TEAD2: variants seen among roughly 807,000 people sequenced by gnomAD.
TEAD2 encodes the protein TEA domain transcription factor 2.
Under a neutral mutation model 61.4 loss-of-function variants are expected in TEAD2, and 51 were observed. The ratio of observed to expected loss-of-function variants is 0.83; its 90% confidence interval spans 0.66 to 1.05. The LOEUF (loss-of-function observed/expected upper bound fraction) is 1.05. TEAD2 is among the 50% of genes least tolerant of loss of function. The probability of loss-of-function intolerance (pLI) is 0.00; values close to 1 mark genes in which losing one functional copy is unlikely to be tolerated. For missense variants in TEAD2, 509 were observed against 600.0 expected (o/e 0.85, Z 1.58); for synonymous variants, 244 against 243.2 (o/e 1.00, Z -0.03).
At chr19:49,349,633 C>T (rs1462547395) in intron 8 of TEAD2, among the ~76,000 whole-genome samples, 1 of 152,054 alleles carries the variant, frequency 6.6e-6, no homozygotes, top group Non-Finnish European at 1.5e-5. Flanking sequence ...AGCCTGGCTT[C>T]GCTCTCTTGC....
At chr19:49,349,949 C>T (rs1463979251) in intron 8 of TEAD2, among the ~76,000 whole-genome samples, 1 of 152,172 alleles carries the variant, frequency 6.6e-6, no homozygotes, top group African/African-American at 2.4e-5. Context: ...GGGAACAGCC[C>T]ACCTCCAGGC....
intron 3 of TEAD2, chr19:49,357,598 C>T (rs550704165): frequency 3.7e-6 from 2 of 535,658 alleles, no homozygotes; most frequent in Admixed American, 6.2e-5. Flanking sequence ...AAAAACTATC[C>T]CCAAACAGGC....
chr19:49,357,148 GTC>G (rs1422806112), intron 4 of TEAD2, 102 bp downstream of exon 4: 6 of 1,173,288 alleles, frequency 5.1e-6, no homozygotes, highest in Admixed American at 4.2e-5. Flanking sequence ...CCCGCTCTAA[GTC>G]TCTGTCCCCC....
Position 49,359,333 on chromosome 19 carries a change from A to T in TEAD2, c.297+102T>A. ...ACATGCCGAGAAGACAGATGAACGC[A>T]CAGGAAGCAGCTTCTTCCTTGAACC... On this transcript the variant is annotated intron_variant, in intron 3 of 12. Transcript: ENST00000593945. This position sits in a 1 kb window ranked among gnomAD's most constrained non-coding sequence, Gnocchi z 4.1. 2 of 1,002,910 alleles carry T rather than the reference A, an allele frequency of 2.0e-6. No individual in the cohort carries two copies. Among genetic ancestry groups the T allele is most frequent in the South Asian group, 2.7e-5 (2 of 75,216 alleles). 62.1% of individuals were successfully genotyped at this position (1,002,910 alleles called of 1,614,324 possible).
In TEAD2 at chr19:49,359,248, C is replaced by T. The variant is rs1020421827; in HGVS notation, c.297+187G>A. 1.6e-6 allele frequency: 1 copy of T among 637,330 alleles called. No homozygotes were observed. Among genetic ancestry groups the T allele is most frequent in the Non-Finnish European group, 2.8e-6 (1 of 355,192 alleles). The allele number at this position is 637,330 out of a possible 1,614,324, so 39.5% of individuals were successfully genotyped here. A position where few individuals can be genotyped will look rare whatever the true frequency, so the allele number is the denominator to read the frequency against. ...GCTAGACTCCATTTCAAAAAATAAA[C>T]AAATACATAAATAACCCAGCCTCGG... On this transcript the variant is annotated intron_variant, in intron 3 of 12. Transcript: ENST00000593945. The surrounding 1 kb of genome is among the most constrained non-coding windows in gnomAD (Gnocchi z 4.1).
chr19:49,355,912 AC>A, intron 5 of TEAD2, 46 bp downstream of exon 5: 1 of 1,293,672 alleles, frequency 7.7e-7, no homozygotes, highest in East Asian at 3.0e-5. Context: ...GGGACAGGGC[AC>A]TAGTTTGGAG....
intron 1 of TEAD2, 29 bp from the exon 2 acceptor site, chr19:49,360,110 C>A (rs780781912): frequency 6.4e-7 from 1 of 1,553,640 alleles, no homozygotes; most frequent in Non-Finnish European, 8.8e-7. Context: ...CAGCAAGCTT[C>A]CCCCAAACCC....
chr19:49,341,545 C>A lies in TEAD2; in HGVS notation c.1243-108G>T. 2.3e-6 allele frequency: 2 copies of A among 883,164 alleles called. No individual in the cohort carries two copies. Among genetic ancestry groups the A allele is most frequent in the South Asian group, 1.5e-5 (1 of 68,410 alleles). 54.7% of individuals were successfully genotyped at this position (883,164 alleles called of 1,614,324 possible). ...ATACCCAGCAGGCTCTTTTCCATCT[C>A]CAGGAAACAGGCCGCCACCATATCA... On this transcript the variant is annotated intron_variant, in intron 12 of 12. Transcript: ENST00000593945. This position sits in a 1 kb window ranked among gnomAD's most constrained non-coding sequence, Gnocchi z 4.2.
At chr19:49,343,854 T>TGGCG (rs201072189) in intron 10 of TEAD2, among the ~76,000 whole-genome samples, 1 of 111,312 alleles carries the variant, frequency 9.0e-6, no homozygotes, top group South Asian at 3.0e-4. Context: ...GTCTTTTTTT[T>TGGCG]TGGGGGGGGG....
chr19:49,354,516 A>G (rs894453832), intron 7 of TEAD2, among the ~76,000 whole-genome samples: 8 of 151,976 alleles, frequency 5.3e-5, no homozygotes, highest in Admixed American at 4.6e-4. Flanking sequence ...AAAAGAAAAA[A>G]AAAAAAAAGC....
chr19:49,343,599 C>T (rs1028365371), intron 10 of TEAD2, among the ~76,000 whole-genome samples: 1 of 151,962 alleles, frequency 6.6e-6, no homozygotes, highest in East Asian at 1.9e-4. Context: ...ATTAGCCGGG[C>T]GTGGTGGTGC....
chr19:49,346,208 T>G (rs1026727160), intron 10 of TEAD2, among the ~76,000 whole-genome samples: 5 of 148,660 alleles, frequency 3.4e-5, no homozygotes, highest in African/African-American at 1.2e-4. Context: ...ATAAAACACA[T>G]TTATTGAACC....
chr19:49,359,534 C>G lies in TEAD2; in HGVS notation c.233-35G>C. 1 of 1,611,116 alleles carries G rather than the reference C, an allele frequency of 6.2e-7. No individual in the cohort carries two copies. The highest frequency in any genetic ancestry group is 8.5e-7 in the Non-Finnish European group (1 of 1,177,372). Reference sequence around the variant, plus strand: ...CAAAGACGGAACAGAGTTAGTTAGACTTTCAACAGAACTTCCCCACAGCAT... The same window carrying G: ...CAAAGACGGAACAGAGTTAGTTAGAGTTTCAACAGAACTTCCCCACAGCAT... On this transcript the variant is annotated intron_variant, in intron 2 of 12. Coordinates refer to ENST00000593945, the MANE Select transcript of TEAD2 (RefSeq NM_001256660.2). The surrounding 1 kb of genome is among the most constrained non-coding windows in gnomAD (Gnocchi z 4.1).
intron 1 of TEAD2, chr19:49,362,054 A>G (rs1972987019): frequency 6.5e-6 from 1 of 152,720 alleles, no homozygotes; most frequent in Non-Finnish European, 1.5e-5. Context: ...CCCAGATTAC[A>G]CAAGGGGTCC....
chr19:49,347,044 G>A, intron 10 of TEAD2, 146 bp downstream of exon 10: 1 of 1,140,272 alleles, frequency 8.8e-7, no homozygotes, highest in South Asian at 1.5e-5. Context: ...TGTTGCAAAG[G>A]GGGCTGACAC....
At chr19:49,345,754 C>A (rs1011325330) in intron 10 of TEAD2, among the ~76,000 whole-genome samples, 1 of 152,186 alleles carries the variant, frequency 6.6e-6, no homozygotes, top group African/African-American at 2.4e-5. Flanking sequence ...CCAGGCCAGG[C>A]ACTGTGGCTC....
intron 5 of TEAD2, 128 bp from the exon 6 acceptor site, chr19:49,355,547 C>T: frequency 1.3e-6 from 1 of 761,454 alleles, no homozygotes; most frequent in Non-Finnish European, 2.2e-6. Context: ...GGGTTAGTGG[C>T]CGGGCATGGT....
intron 3 of TEAD2, 41 bp from the exon 4 acceptor site, chr19:49,357,355 C>A: frequency 6.2e-7 from 1 of 1,603,764 alleles, no homozygotes; most frequent in South Asian, 1.1e-5. Flanking sequence ...GCCACAGCCA[C>A]CGCCCCTGTG....
rs1461771915 is a variant in TEAD2, at chr19:49,343,293, T to C, written c.1027A>G (p.Met343Val). The C allele has an allele frequency of 6.2e-7, 1 of 1,614,002 alleles. No individual in the cohort carries two copies. The highest frequency in any genetic ancestry group is 8.5e-7 in the Non-Finnish European group (1 of 1,179,984). The stretch of plus-strand genomic sequence containing the variant: ...ACCTTGGAGGAACAGGTGAGGGTCA[T>C]GTGTTCCAGGCTCTCATACTGGCTG... ...VSSQYESLEH[M>V]TLTCSSKVCS... The change falls in exon 11 of 13, where the codon ATG becomes GTG. Residue 343 changes from methionine (M) to valine (V), a missense_variant. Transcript: ENST00000593945.
Sources: gnomAD v4.1 joint callset for allele counts (sites outside exome capture counted in the v4.1 genomes callset) on GRCh38, gnomAD v4.1.1 for gene constraint, Gnocchi (gnomAD v3.1) non-coding constraint, MANE v1.5 for transcripts, NCBI Gene and HGNC (gene_info 2026-07-23, HGNC 2026-07-21) for gene names.